Variants in PLCE1 observed in about 807,000 individuals in gnomAD.
PLCE1 encodes phospholipase C epsilon 1, also known as 1-phosphatidylinositol 4,5-bisphosphate phosphodiesterase epsilon-1.
PLCE1 carries 119 observed loss-of-function variants against 242.8 expected under a neutral mutation model. The observed-to-expected ratio is 0.49, with a 90% CI of 0.42 to 0.57. The LOEUF (loss-of-function observed/expected upper bound fraction) is 0.57, where lower values mean the gene tolerates loss of function less well. Ranked by LOEUF, PLCE1 falls within the 20% of genes least tolerant of loss-of-function variation. PLCE1 has a pLI of 0.00. For synonymous variants in PLCE1, 945 were observed against 1,017.4 expected (o/e 0.93, Z 1.35); for missense variants, 2,441 against 2,788.8 (o/e 0.88, Z 2.81).
At chr10:94,290,747 G>T (rs536605694) in intron 22 of PLCE1, among the ~76,000 whole-genome samples, 4 of 151,996 alleles carry the variant, frequency 2.6e-5, no homozygotes, top group Non-Finnish European at 4.4e-5. Context: ...AATGTAGAAT[G>T]AGTATACTCT....
intron 3 of PLCE1, among the ~76,000 whole-genome samples, chr10:94,147,195 G>A (rs553413232): frequency 1.3e-4 from 20 of 152,146 alleles, no homozygotes; most frequent in East Asian, 5.8e-4. Context: ...GCCGAGGCAC[G>A]CAGATCACCT....
chr10:94,038,873 C>T (rs562585575), intron 2 of PLCE1, among the ~76,000 whole-genome samples: 52 of 152,094 alleles, frequency 3.4e-4, no homozygotes, highest in Non-Finnish European at 6.3e-4. Flanking sequence ...TTAGCTATCA[C>T]CCTCTATCGC....
intron 2 of PLCE1, chr10:94,096,506 A>G (rs1302153229): frequency 3.9e-5 from 6 of 152,120 alleles, no homozygotes; most frequent in Admixed American, 3.9e-4. Context: ...TTATAAAACC[A>G]TCAGATCTCG....
At chr10:94,051,239 A>G (rs904876230) in intron 2 of PLCE1, among the ~76,000 whole-genome samples, 2 of 140,460 alleles carry the variant, frequency 1.4e-5, no homozygotes, top group African/African-American at 2.7e-5. Flanking sequence ...CCAAACAAAT[A>G]AGACTTTCAG....
intron 2 of PLCE1, among the ~76,000 whole-genome samples, chr10:94,106,912 T>TTCTCTCTCTCTCTCTCCCTCTC (rs2045757969): frequency 5.2e-5 from 2 of 38,734 alleles, no homozygotes; most frequent in Non-Finnish European, 9.9e-5. Context: ...TGTCTCTTGT[T>TTCTCTCTCTCTCTCTCCCTCTC]TCTCTCTCTC....
At chr10:94,108,207 C>T (rs1238941039) in intron 2 of PLCE1, among the ~76,000 whole-genome samples, 2 of 152,206 alleles carry the variant, frequency 1.3e-5, no homozygotes, top group East Asian at 1.9e-4. Context: ...CAACCCCATT[C>T]CACCCTATCA....
At chr10:94,256,286 T>G (rs2132899786) in intron 11 of PLCE1, among the ~76,000 whole-genome samples, 1 of 137,454 alleles carries the variant, frequency 7.3e-6, no homozygotes, top group South Asian at 2.3e-4. Flanking sequence ...ATCATGCCAT[T>G]GCGCTCCAGC....
At chr10:94,186,042 G>A (rs540711826) in intron 4 of PLCE1, among the ~76,000 whole-genome samples, 7 of 152,332 alleles carry the variant, frequency 4.6e-5, no homozygotes, top group African/African-American at 1.4e-4. Flanking sequence ...CTTAAAACAG[G>A]CGGAATTCTT....
At chr10:93,998,551 C>T (rs1306384897) in intron 1 of PLCE1, among the ~76,000 whole-genome samples, 4 of 152,142 alleles carry the variant, frequency 2.6e-5, no homozygotes, top group South Asian at 2.1e-4. Flanking sequence ...CTGACCTTTG[C>T]GTAAAATAGC....
At chr10:94,004,237 G>A (rs1199512132) in intron 1 of PLCE1, among the ~76,000 whole-genome samples, 3 of 152,086 alleles carry the variant, frequency 2.0e-5, no homozygotes, top group Non-Finnish European at 4.4e-5. Flanking sequence ...CAGATGGATA[G>A]ACACCATCCT....
chr10:94,072,189 G>A (rs1279245671), intron 2 of PLCE1, among the ~76,000 whole-genome samples: 2 of 152,140 alleles, frequency 1.3e-5, no homozygotes, highest in African/African-American at 2.4e-5. Context: ...GAATGTTCTT[G>A]GACAGGGCCC....
At chr10:94,012,161 A>G (rs896212037) in intron 1 of PLCE1, among the ~76,000 whole-genome samples, 3 of 152,008 alleles carry the variant, frequency 2.0e-5, no homozygotes, top group Non-Finnish European at 4.4e-5. Context: ...ATTTTCCAGC[A>G]TGTGAACCTG....
At chr10:94,107,704 C>T (rs1564695157) in intron 2 of PLCE1, 1 of 151,672 alleles carries the variant, frequency 6.6e-6, no homozygotes, top group Non-Finnish European at 1.5e-5. Context: ...AGTCTTTAGA[C>T]ATTCACATTG....
intron 20 of PLCE1, 33 bp from the exon 21 acceptor site, chr10:94,283,757 C>A: frequency 6.2e-7 from 1 of 1,602,756 alleles, no homozygotes; most frequent in South Asian, 1.1e-5. Flanking sequence ...GCATTGGGTT[C>A]GTTTTCACTG....
intron 4 of PLCE1, among the ~76,000 whole-genome samples, chr10:94,221,503 G>A (rs1341703184): frequency 6.6e-6 from 1 of 152,220 alleles, no homozygotes; most frequent in African/African-American, 2.4e-5. Context: ...TTGGGAGGCC[G>A]AGGTGGGTGG....
At chr10:94,121,897 C>T (rs1014742094) in intron 2 of PLCE1, among the ~76,000 whole-genome samples, 3 of 152,128 alleles carry the variant, frequency 2.0e-5, no homozygotes, top group Admixed American at 2.0e-4. Flanking sequence ...GACCAAGGCC[C>T]TGGGAGCCAT....
intron 3 of PLCE1, among the ~76,000 whole-genome samples, chr10:94,143,108 A>C (rs1252971724): frequency 6.6e-6 from 1 of 152,222 alleles, no homozygotes; most frequent in Non-Finnish European, 1.5e-5. Context: ...CTTCATTGAC[A>C]TCTGAGGTTT....
In PLCE1 at chr10:94,322,045, G is replaced by C; in HGVS notation, c.6487G>C (p.Asp2163His). 6.2e-7 allele frequency: 1 copy of C among 1,614,106 alleles called. No homozygotes were observed. Among genetic ancestry groups the C allele is most frequent in the Non-Finnish European group, 8.5e-7 (1 of 1,179,988 alleles). Residue 2163 changes from aspartate to histidine, a missense_variant, in exon 30 of 33, where the codon GAT becomes CAT. Physicochemically the swap from Asp to His is moderately conservative, Grantham distance 81 (BLOSUM62 -1). Transcript: ENST00000371380. ...IKAPRVSTAQ[D>H]VIQQTLCKAK... ...AGCACCCCGCGTCAGCACTGCACAG[G>C]ATGTCATTCAGCAGGTAAAAGCCTC...
At position 94,058,817 on chromosome 10, in the gene PLCE1, GA is replaced by G. The variant is rs550136841; in HGVS notation, c.1206+26571del. Among the ~76,000 whole-genome samples, 477 of 152,052 alleles carry G rather than the reference GA, an allele frequency of 3.1e-3. 2 individuals carry two copies. Among genetic ancestry groups the G allele is most frequent in the African/African-American group, 0.011 (459 of 41,486 alleles). ...TTTACTTTATTATAAAAGTATAAAG[GA>G]AAAAAGTTCTCATAAACACAACCTT... On this transcript the variant is annotated intron_variant, in intron 2 of 32. Coordinates refer to ENST00000371380, the MANE Select transcript of PLCE1 (RefSeq NM_016341.4).
Sources: allele counts gnomAD v4.1 joint callset (sites outside exome capture counted in the v4.1 genomes callset), GRCh38; gene constraint gnomAD v4.1.1; transcripts MANE v1.5; gene names NCBI Gene and HGNC (gene_info 2026-07-23, HGNC 2026-07-21).